SCRG1: variants seen among roughly 807,000 people sequenced by gnomAD.
The protein encoded by SCRG1 is stimulator of chondrogenesis 1.
Under a neutral mutation model 7.7 loss-of-function variants are expected in SCRG1, and 3 were observed. The observed-to-expected ratio is 0.39, with a 90% CI of 0.18 to 1.01. The LOEUF (loss-of-function observed/expected upper bound fraction) is 1.01. Ranked by LOEUF, SCRG1 falls within the 50% of genes least tolerant of loss-of-function variation. The pLI, the probability that SCRG1 is intolerant of heterozygous loss-of-function variation, is 0.36. For missense variants in SCRG1, 110 were observed against 117.2 expected, an observed-to-expected ratio of 0.94 and a Z score of 0.28; for synonymous variants, 46 against 41.2, an observed-to-expected ratio of 1.12 and a Z score of -0.44.
At chr4:173,397,097 CAT>C (rs1049032464) in intron 1 of SCRG1, among the ~76,000 whole-genome samples, 10 of 152,242 alleles carry the variant, frequency 6.6e-5, no homozygotes, top group African/African-American at 2.4e-4. Context: ...AAATAAATTA[CAT>C]GTCTTAAATG....
Position 173,385,922 on chromosome 4 carries a change from C to A in SCRG1, c.*2419G>T, listed in dbSNP as rs1484303706. The stretch of plus-strand genomic sequence containing the variant: ...AAATTTACCTATTCTATGCATTGTT[C>A]CAGAATGGATATGAAACTTTCATTA... On this transcript the variant is annotated 3_prime_UTR_variant, in exon 3 of 3. Coordinates refer to ENST00000296506, the MANE Select transcript of SCRG1 (RefSeq NM_007281.4). The A allele has an allele frequency of 6.6e-6, 1 of 152,030 alleles. No homozygotes were observed. Among genetic ancestry groups the A allele is most frequent in the Admixed American group, 6.6e-5 (1 of 15,256 alleles). 9.4% of individuals were successfully genotyped at this position (152,030 alleles called of 1,614,324 possible).
chr4:173,479,431 G>GTTTTTTTTTTTTT, the SCRG1 span, among the ~76,000 whole-genome samples: 1 of 130,022 alleles, frequency 7.7e-6, no homozygotes, highest in Non-Finnish European at 1.7e-5. Context: ...TTTTTTGTTT[G>GTTTTTTTTTTTTT]TTTGTTTTTT....
At chr4:173,408,851 G>C (rs890959465), upstream of SCRG1, among the ~76,000 whole-genome samples, 1 of 151,950 alleles carries the variant, frequency 6.6e-6, no homozygotes, top group African/African-American at 2.4e-5. Flanking sequence ...AAATTAGCCG[G>C]ATGTGGTGGC....
rs1476480594 is a variant in SCRG1 at position 173,387,904 on chromosome 4, T to C, written c.*437A>G. On this transcript the variant is annotated 3_prime_UTR_variant, in exon 3 of 3. Coordinates refer to ENST00000296506, the MANE Select transcript of SCRG1 (RefSeq NM_007281.4). ...TTTGTAAAGAGGGGGTCTCACTATG[T>C]TGCCCAGGCTGGTCCCTTTTTCCTT... is the stretch of plus-strand genomic sequence containing the variant. 2 of 153,046 alleles carry C rather than the reference T, an allele frequency of 1.3e-5. No individual in the cohort carries two copies. Among genetic ancestry groups the C allele is most frequent in the East Asian group, 3.8e-4 (2 of 5,210 alleles). 9.5% of individuals were successfully genotyped at this position (153,046 alleles called of 1,614,324 possible).
At chr4:173,450,297 C>T in the SCRG1 span, among the ~76,000 whole-genome samples, 29 of 152,282 alleles carry the variant, frequency 1.9e-4, no homozygotes, top group Admixed American at 7.8e-4. Context: ...TTTCCTTTGA[C>T]ATTACAATTC....
chr4:173,445,305 G>A, the SCRG1 span, among the ~76,000 whole-genome samples: 11 of 151,884 alleles, frequency 7.2e-5, no homozygotes, highest in Non-Finnish European at 1.0e-4. Flanking sequence ...ATGCAAGGCC[G>A]GGCGCGATGG....
Position 173,393,779 on chromosome 4 carries a change from A to T in SCRG1, c.-14-2351T>A, listed in dbSNP as rs530905481. Reference sequence around the variant, plus strand: ...TTTTAGTTCTGTCAATATTTGTTTTATATATATATATGTGCTCTGATATTG... The same window carrying T: ...TTTTAGTTCTGTCAATATTTGTTTTTTATATATATATGTGCTCTGATATTG... On this transcript the variant is annotated intron_variant, in intron 1 of 2. Transcript: ENST00000296506. 2.3e-4 allele frequency among the ~76,000 whole-genome samples: 35 copies of T among 151,708 alleles called. No individual in the cohort carries two copies. The East Asian group carries it at 3.5e-3, about 15-fold the overall frequency.
the SCRG1 span, among the ~76,000 whole-genome samples, chr4:173,484,679 AAT>A: frequency 1.0e-5 from 1 of 98,324 alleles, no homozygotes; most frequent in Non-Finnish European, 1.7e-5. Flanking sequence ...CATGATGTAT[AAT>A]ATATATTATA....
the SCRG1 span, among the ~76,000 whole-genome samples, chr4:173,479,051 C>T: frequency 2.0e-5 from 3 of 152,124 alleles, no homozygotes; most frequent in African/African-American, 4.8e-5. Context: ...CTGGCTTGTT[C>T]GTACACTGGG....
At position 173,388,166 on chromosome 4, in the gene SCRG1, A is replaced by T. The variant is rs530322727; in HGVS notation, c.*175T>A. On this transcript the variant is annotated 3_prime_UTR_variant, in exon 3 of 3. Coordinates refer to ENST00000296506, the MANE Select transcript of SCRG1 (RefSeq NM_007281.4). ...AACAATGTCCACAGAGAAAAATTAGATTGAATTAACTTTTATTACTACTTG... is the reference window on the plus strand; with the variant it reads ...AACAATGTCCACAGAGAAAAATTAGTTTGAATTAACTTTTATTACTACTTG... 112 of 471,832 alleles carry T rather than the reference A, an allele frequency of 2.4e-4. 2 individuals are homozygous for T. In the South Asian group the frequency reaches 5.5e-3, roughly 23 times the overall value. The allele number at this position is 471,832 out of a possible 1,614,324, so 29.2% of individuals were successfully genotyped here.
chr4:173,442,289 C>T, the SCRG1 span, among the ~76,000 whole-genome samples: 13 of 152,158 alleles, frequency 8.5e-5, no homozygotes, highest in Non-Finnish European at 1.6e-4. Context: ...AGAGTGAAGA[C>T]GTGCAACTTC....
chr4:173,455,239 A>G, the SCRG1 span, among the ~76,000 whole-genome samples: 3 of 152,146 alleles, frequency 2.0e-5, no homozygotes, highest in East Asian at 1.9e-4. Flanking sequence ...GCAGGAGTCA[A>G]ACTTTATATA....
the SCRG1 span, among the ~76,000 whole-genome samples, chr4:173,418,426 C>T: frequency 2.0e-5 from 3 of 152,194 alleles, no homozygotes; most frequent in Admixed American, 2.0e-4. Context: ...TCCAGCACAG[C>T]TGAGCCCATC....
chr4:173,484,339 A>AT, the SCRG1 span, among the ~76,000 whole-genome samples: 3 of 47,358 alleles, frequency 6.3e-5, no homozygotes, highest in Non-Finnish European at 1.2e-4. Flanking sequence ...TATATTTAAC[A>AT]TATTATATAA....
chr4:173,424,745 C>T, the SCRG1 span, among the ~76,000 whole-genome samples: 12 of 152,094 alleles, frequency 7.9e-5, no homozygotes, highest in East Asian at 2.3e-3. Flanking sequence ...TCTGTCTCTA[C>T]TAAAAATACA....
chr4:173,392,825 T>C (rs1053488661), intron 1 of SCRG1, among the ~76,000 whole-genome samples: 2 of 152,328 alleles, frequency 1.3e-5, no homozygotes, highest in African/African-American at 2.4e-5. Flanking sequence ...ACGTGGTGGC[T>C]CACACCTGTA....
chr4:173,387,166 GA>G lies in SCRG1; in HGVS notation c.*1174del, dbSNP rs1739268711. 6.6e-6 allele frequency: 1 copy of G among 150,476 alleles called. No individual in the cohort carries two copies. The highest frequency in any genetic ancestry group is 1.5e-5 in the Non-Finnish European group (1 of 67,804). The allele number at this position is 150,476 out of a possible 1,614,324, so 9.3% of individuals were successfully genotyped here. On this transcript the variant is annotated 3_prime_UTR_variant, in exon 3 of 3. Coordinates refer to ENST00000296506, the MANE Select transcript of SCRG1 (RefSeq NM_007281.4). The stretch of plus-strand genomic sequence containing the variant: ...TTAGGAAATGTATCATGGTTTTAAG[GA>G]TACATCTGTGTGTGGCATATGGGCT...
chr4:173,435,501 T>C, the SCRG1 span, among the ~76,000 whole-genome samples: 1 of 152,190 alleles, frequency 6.6e-6, no homozygotes, highest in South Asian at 2.1e-4. Flanking sequence ...CTTTCACTCA[T>C]CAGTGATTTT....
chr4:173,406,812 C>A (rs898755122), upstream of SCRG1, among the ~76,000 whole-genome samples: 1 of 152,022 alleles, frequency 6.6e-6, no homozygotes, highest in Non-Finnish European at 1.5e-5. Context: ...TTGATAATTT[C>A]TTTTTATCAC....
Sources: allele counts gnomAD v4.1 joint callset (sites outside exome capture counted in the v4.1 genomes callset), GRCh38; gene constraint gnomAD v4.1.1; transcripts MANE v1.5; gene names NCBI Gene and HGNC (gene_info 2026-07-23, HGNC 2026-07-21).